CTIF: variants seen among roughly 807,000 people sequenced by gnomAD.
CTIF encodes CBP80/20-dependent translation initiation factor.
A neutral mutation model predicts 66.0 loss-of-function variants in CTIF; 21 were observed. That is an observed-to-expected ratio of 0.32 (90% CI 0.23 to 0.46). The LOEUF is 0.46. Among genes scored for constraint, CTIF ranks in the 20% least tolerant of loss-of-function variants. The probability of loss-of-function intolerance (pLI) is 1.00; values close to 1 mark genes in which losing one functional copy is unlikely to be tolerated. For missense variants in CTIF, 739 were observed against 812.7 expected (o/e 0.91, Z 1.10); for synonymous variants, 345 against 326.4 (o/e 1.06, Z -0.62).
chr18:48,718,564 G>A (rs567873860), intron 7 of CTIF, among the ~76,000 whole-genome samples: 3 of 152,252 alleles, frequency 2.0e-5, no homozygotes, highest in South Asian at 4.2e-4. Context: ...GATGGATGTC[G>A]CCACTCAAGA....
intron 1 of CTIF, among the ~76,000 whole-genome samples, chr18:48,606,820 C>T (rs572316284): frequency 2.0e-5 from 3 of 152,234 alleles, no homozygotes; most frequent in East Asian, 1.9e-4. Context: ...AGCAACCCTT[C>T]GTGTCCTCAG....
intron 1 of CTIF, among the ~76,000 whole-genome samples, chr18:48,553,341 G>A (rs1019280438): frequency 1.3e-5 from 2 of 152,198 alleles, no homozygotes; most frequent in Non-Finnish European, 2.9e-5. Flanking sequence ...AGCCAGCCAC[G>A]GGCGTGGCAA....
intron 9 of CTIF, among the ~76,000 whole-genome samples, chr18:48,765,720 C>T (rs542593044): frequency 1.1e-4 from 16 of 152,090 alleles, no homozygotes; most frequent in Non-Finnish European, 2.2e-4. Flanking sequence ...CTCAAGGAAC[C>T]CAGAAGCACC....
intron 3 of CTIF, among the ~76,000 whole-genome samples, chr18:48,661,577 C>T (rs1365367496): frequency 6.6e-6 from 1 of 152,030 alleles, no homozygotes; most frequent in African/African-American, 2.4e-5. Context: ...CAGAGTTGCA[C>T]TTGGAGCAAG....
intron 7 of CTIF, among the ~76,000 whole-genome samples, chr18:48,723,538 C>T (rs1568165792): frequency 6.6e-6 from 1 of 152,210 alleles, no homozygotes. Flanking sequence ...GGGGACCCCA[C>T]TCGATGAGCA....
chr18:48,541,109 G>C (rs2088605807), intron 1 of CTIF, among the ~76,000 whole-genome samples: 1 of 152,200 alleles, frequency 6.6e-6, no homozygotes, highest in Non-Finnish European at 1.5e-5. Flanking sequence ...ATGGGTGTGC[G>C]TGCCCGCGCT....
At chr18:48,680,546 G>A (rs1344062240) in intron 6 of CTIF, among the ~76,000 whole-genome samples, 9 of 152,360 alleles carry the variant, frequency 5.9e-5, no homozygotes, top group Non-Finnish European at 1.0e-4. Flanking sequence ...CCCTGTCGAC[G>A]GATGCCCAGA....
At chr18:48,850,528 C>T (rs1287395119) in intron 10 of CTIF, among the ~76,000 whole-genome samples, 1 of 152,216 alleles carries the variant, frequency 6.6e-6, no homozygotes, top group African/African-American at 2.4e-5. Flanking sequence ...GGACATAGGA[C>T]AGGTCATTTA....
intron 7 of CTIF, among the ~76,000 whole-genome samples, chr18:48,717,434 T>C (rs2092292773): frequency 6.6e-6 from 1 of 150,376 alleles, no homozygotes; most frequent in Non-Finnish European, 1.5e-5. Flanking sequence ...AATAAATAAA[T>C]AAATAAATAA....
chr18:48,543,761 CTTCT>C (rs940453258), intron 1 of CTIF, among the ~76,000 whole-genome samples: 1 of 152,208 alleles, frequency 6.6e-6, no homozygotes, highest in African/African-American at 2.4e-5. Context: ...TTCATCCAAT[CTTCT>C]TTCTATGTAC....
intron 9 of CTIF, among the ~76,000 whole-genome samples, chr18:48,799,266 CACA>C (rs1302562666): frequency 6.6e-6 from 1 of 152,238 alleles, no homozygotes; most frequent in African/African-American, 2.4e-5. Flanking sequence ...ATTCAATCTT[CACA>C]ACAACTTATG....
At chr18:48,622,973 G>A (rs961711619) in intron 2 of CTIF, among the ~76,000 whole-genome samples, 1 of 152,242 alleles carries the variant, frequency 6.6e-6, no homozygotes, top group African/African-American at 2.4e-5. Context: ...CACCCCAGAG[G>A]TATGCGTGGC....
Position 48,861,527 on chromosome 18 carries a change from A to C in CTIF, c.*1968A>C, listed in dbSNP as rs1323890714. 1 of 152,386 alleles carries C rather than the reference A, an allele frequency of 6.6e-6. No homozygotes were observed. The highest frequency in any genetic ancestry group is 1.5e-5 in the Non-Finnish European group (1 of 68,138). The allele number at this position is 152,386 out of a possible 1,614,324, so 9.4% of individuals were successfully genotyped here. A position where few individuals can be genotyped will look rare whatever the true frequency, so the allele number is the denominator to read the frequency against. ...CCAGGGCGAGCTTGCCATCGTGGCCAGGCAGCCTCCACCTGTGCTTCAGTG... is the reference window on the plus strand; with the variant it reads ...CCAGGGCGAGCTTGCCATCGTGGCCCGGCAGCCTCCACCTGTGCTTCAGTG... On this transcript the variant is annotated 3_prime_UTR_variant, in exon 12 of 12. Coordinates refer to ENST00000256413, the MANE Select transcript of CTIF (RefSeq NM_014772.3).
intron 10 of CTIF, among the ~76,000 whole-genome samples, chr18:48,839,170 A>C (rs1599141835): frequency 6.6e-6 from 1 of 151,372 alleles, no homozygotes; most frequent in African/African-American, 2.4e-5. Context: ...CCCCTGAATT[A>C]CCCCACCAGC....
Position 48,835,047 on chromosome 18 carries a change from GC to G in CTIF, c.1527+17672del, listed in dbSNP as rs1343933214. Reference sequence around the variant, plus strand: ...GAACCAAGGTTTGCGTGTCAGACTTGCGTGATTTCAAATCCCATGTTCGTGG... The same window carrying G: ...GAACCAAGGTTTGCGTGTCAGACTTGGTGATTTCAAATCCCATGTTCGTGG... On this transcript the variant is annotated intron_variant, in intron 10 of 11. Coordinates refer to ENST00000256413, the MANE Select transcript of CTIF (RefSeq NM_014772.3). Among the ~76,000 whole-genome samples the G allele has an allele frequency of 2.6e-5, 4 of 152,254 alleles. No individual in the cohort carries two copies. In the East Asian group the frequency reaches 7.7e-4, roughly 29 times the overall value.
At chr18:48,817,502 A>G in intron 10 of CTIF, 126 bp downstream of exon 10, 1 of 1,142,542 alleles carries the variant, frequency 8.8e-7, no homozygotes, top group Non-Finnish European at 1.2e-6. Flanking sequence ...CGGGCCAGGC[A>G]CGGTGGCTCA....
intron 7 of CTIF, among the ~76,000 whole-genome samples, chr18:48,730,337 GGTGTGAGGGGCTCCTGCT>G (rs1333040189): frequency 1.5e-3 from 148 of 100,510 alleles, no homozygotes; most frequent in Admixed American, 3.2e-3. Context: ...GGGCCCCTGC[GGTGTGAGGGGCTCCTGCT>G]GTGTGAGGGG....
chr18:48,628,328 G>T (rs1247986285), intron 2 of CTIF, among the ~76,000 whole-genome samples: 1 of 152,152 alleles, frequency 6.6e-6, no homozygotes, highest in Non-Finnish European at 1.5e-5. Context: ...TTAAGCCCAG[G>T]GGGTGAGGAA....
chr18:48,611,830 G>C (rs1241086573), intron 1 of CTIF, among the ~76,000 whole-genome samples: 3 of 152,204 alleles, frequency 2.0e-5, no homozygotes, highest in Non-Finnish European at 2.9e-5. Context: ...TTAATGCTGA[G>C]ATCGTGACCC....
Sources: gnomAD v4.1 joint callset for allele counts (sites outside exome capture counted in the v4.1 genomes callset) on GRCh38, gnomAD v4.1.1 for gene constraint, MANE v1.5 for transcripts, NCBI Gene and HGNC (gene_info 2026-07-23, HGNC 2026-07-21) for gene names.